SIPA1L1: variants seen among roughly 807,000 people sequenced by gnomAD.
The protein encoded by SIPA1L1 is signal induced proliferation associated 1 like 1.
Under a neutral mutation model 162.7 loss-of-function variants are expected in SIPA1L1, and 26 were observed. The ratio of observed to expected loss-of-function variants is 0.16; its 90% CI spans 0.12 to 0.22. The LOEUF (loss-of-function observed/expected upper bound fraction) is 0.22. Among genes scored for constraint, SIPA1L1 ranks in the 10% least tolerant of loss-of-function variants. The probability of loss-of-function intolerance (pLI) is 1.00; values close to 1 mark genes in which losing one functional copy is unlikely to be tolerated. For missense variants in SIPA1L1, 1,874 were observed against 2,241.0 expected (o/e 0.84, Z 3.31); for synonymous variants, 829 against 837.4 (o/e 0.99, Z 0.17).
intron 4 of SIPA1L1, among the ~76,000 whole-genome samples, chr14:71,577,218 C>T (rs1265229618): frequency 6.6e-6 from 1 of 152,040 alleles, no homozygotes; most frequent in Non-Finnish European, 1.5e-5. Context: ...GTATCCATAT[C>T]CACAGGATAT....
At chr14:71,454,422 A>C (rs1360574442) in intron 2 of SIPA1L1, among the ~76,000 whole-genome samples, 2 of 152,234 alleles carry the variant, frequency 1.3e-5, no homozygotes, top group African/African-American at 4.8e-5. Context: ...ATAAAGGACT[A>C]TTAGGGAATT....
At chr14:71,583,301 C>A (rs1485366870) in intron 4 of SIPA1L1, among the ~76,000 whole-genome samples, 1 of 152,112 alleles carries the variant, frequency 6.6e-6, no homozygotes, top group Non-Finnish European at 1.5e-5. Context: ...TGGAAATTTT[C>A]ATAAATACTT....
intron 2 of SIPA1L1, among the ~76,000 whole-genome samples, chr14:71,423,975 A>G (rs1210856439): frequency 6.6e-6 from 1 of 152,044 alleles, no homozygotes; most frequent in Non-Finnish European, 1.5e-5. Flanking sequence ...AACTTCTTTC[A>G]GCAGTGTTTT....
chr14:71,662,905 A>G (rs2043657952), intron 10 of SIPA1L1, among the ~76,000 whole-genome samples: 1 of 152,238 alleles, frequency 6.6e-6, no homozygotes, highest in African/African-American at 2.4e-5. Flanking sequence ...AGCAGTTAAA[A>G]CATGCTATGT....
chr14:71,567,453 G>C (rs2030910441), intron 4 of SIPA1L1, among the ~76,000 whole-genome samples: 1 of 152,108 alleles, frequency 6.6e-6, no homozygotes, highest in South Asian at 2.1e-4. Flanking sequence ...AATCTTGATA[G>C]TAATTTTTTT....
chr14:71,480,089 G>T lies in SIPA1L1; in HGVS notation c.-464-32654G>T, dbSNP rs1001875617. ...TAGACTAGTGTTTTTTTTGTTTTTTGTTTTTTTTTTTGAGACGGAGTCTTG... is the reference window on the plus strand; with the variant it reads ...TAGACTAGTGTTTTTTTTGTTTTTTTTTTTTTTTTTTGAGACGGAGTCTTG... On this transcript the variant is annotated intron_variant, in intron 2 of 23. Coordinates refer to ENST00000381232, the MANE Select transcript of SIPA1L1 (RefSeq NM_001386936.1). Among the ~76,000 whole-genome samples, 167 of 143,310 alleles carry T rather than the reference G, an allele frequency of 1.2e-3. No homozygotes were observed. In the East Asian group the frequency reaches 0.024, roughly 21 times the overall value. The allele number at this position is 143,310 out of a possible 152,430, so 94.0% of individuals were successfully genotyped here.
chr14:71,703,925 T>A (rs2082266153), intron 15 of SIPA1L1, among the ~76,000 whole-genome samples: 1 of 152,228 alleles, frequency 6.6e-6, no homozygotes, highest in African/African-American at 2.4e-5. Context: ...CATCCCACTC[T>A]TAATAGATAA....
At chr14:71,676,706 A>G (rs932985615) in intron 12 of SIPA1L1, among the ~76,000 whole-genome samples, 1 of 139,496 alleles carries the variant, frequency 7.2e-6, no homozygotes, top group South Asian at 2.2e-4. Context: ...GTTCCCACCT[A>G]TGAGTAAGAA....
At chr14:71,384,357 G>A (rs537459984) in intron 2 of SIPA1L1, among the ~76,000 whole-genome samples, 1 of 152,256 alleles carries the variant, frequency 6.6e-6, no homozygotes, top group East Asian at 1.9e-4. Flanking sequence ...TTTGTGTGGG[G>A]CCTGGGTTTG....
At chr14:71,623,660 GTATT>G (rs2039674498) in intron 6 of SIPA1L1, among the ~76,000 whole-genome samples, 1 of 152,048 alleles carries the variant, frequency 6.6e-6, no homozygotes, top group African/African-American at 2.4e-5. Flanking sequence ...CAAATTCTAA[GTATT>G]TATTCTTCAG....
At chr14:71,376,296 A>G (rs2039365066) in intron 2 of SIPA1L1, among the ~76,000 whole-genome samples, 1 of 151,424 alleles carries the variant, frequency 6.6e-6, no homozygotes, top group African/African-American at 2.4e-5. Flanking sequence ...CATTTCATGT[A>G]AGTTGTTGAG....
chr14:71,603,551 C>A (rs1237174624), intron 5 of SIPA1L1, among the ~76,000 whole-genome samples: 24 of 152,160 alleles, frequency 1.6e-4, no homozygotes, highest in Non-Finnish European at 3.5e-4. Flanking sequence ...CTTGAACTCC[C>A]AGGCTTTAAG....
chr14:71,666,402 A>G (rs1380534084), intron 10 of SIPA1L1, among the ~76,000 whole-genome samples: 1 of 152,230 alleles, frequency 6.6e-6, no homozygotes, highest in African/African-American at 2.4e-5. Flanking sequence ...ATTAATTGCA[A>G]TGTGTGGATC....
chr14:71,385,833 A>G (rs188495525), intron 2 of SIPA1L1, among the ~76,000 whole-genome samples: 592 of 151,962 alleles, frequency 3.9e-3, no homozygotes, highest in Middle Eastern at 0.01. Flanking sequence ...GATTACAGGC[A>G]TGTGCCACCA....
chr14:71,431,150 T>C (rs548285946), intron 2 of SIPA1L1, among the ~76,000 whole-genome samples: 1 of 152,318 alleles, frequency 6.6e-6, no homozygotes, highest in South Asian at 2.1e-4. Flanking sequence ...AGATCCTTGT[T>C]CTGCTTTTCA....
At chr14:71,663,720 GA>G (rs1002199760) in intron 10 of SIPA1L1, among the ~76,000 whole-genome samples, 5 of 151,998 alleles carry the variant, frequency 3.3e-5, no homozygotes, top group African/African-American at 1.2e-4. Context: ...CTGTTGCCTG[GA>G]GAGCCCACCG....
chr14:71,357,699 C>T (rs1335537630), intron 2 of SIPA1L1, among the ~76,000 whole-genome samples: 2 of 152,192 alleles, frequency 1.3e-5, no homozygotes, highest in East Asian at 1.9e-4. Flanking sequence ...GTAGTTGGTA[C>T]TGTAGGCATG....
intron 2 of SIPA1L1, among the ~76,000 whole-genome samples, chr14:71,357,145 CCTATGCTT>C (rs1187797485): frequency 1.3e-5 from 2 of 152,220 alleles, no homozygotes; most frequent in East Asian, 3.9e-4. Context: ...GTCTCAAACT[CCTATGCTT>C]AAGCTTAGGT....
chr14:71,471,343 C>T (rs1289340043), intron 2 of SIPA1L1, among the ~76,000 whole-genome samples: 1 of 152,180 alleles, frequency 6.6e-6, no homozygotes, highest in Non-Finnish European at 1.5e-5. Context: ...GTGGCATGTG[C>T]CTGTAATCCC....
Sources: allele counts gnomAD v4.1 joint callset (sites outside exome capture counted in the v4.1 genomes callset), GRCh38; gene constraint gnomAD v4.1.1; transcripts MANE v1.5; gene names NCBI Gene and HGNC (gene_info 2026-07-23, HGNC 2026-07-21).